The following ELP4 variants were observed in gnomAD, a reference collection of about 807,000 sequenced individuals.
The protein encoded by ELP4 is elongator complex protein 4.
ELP4 carries 51 observed loss-of-function variants against 48.9 expected under a neutral mutation model. The observed-to-expected ratio is 1.04, with a 90% CI of 0.83 to 1.32. The LOEUF is 1.32. Ranked by LOEUF, ELP4 falls within the 40% of genes most tolerant of loss-of-function variation. The pLI, the probability that ELP4 is intolerant of heterozygous loss-of-function variation, is 0.00. For missense variants in ELP4, 519 were observed against 514.6 expected, an observed-to-expected ratio of 1.01 and a Z score of -0.08; for synonymous variants, 210 against 189.2, an observed-to-expected ratio of 1.11 and a Z score of -0.90.
chr11:31,598,138 T>C (rs1422964433), intron 4 of ELP4, among the ~76,000 whole-genome samples: 2 of 151,824 alleles, frequency 1.3e-5, no homozygotes, highest in Non-Finnish European at 2.9e-5. Context: ...GTATTTTTAA[T>C]AGAGATGGGG....
chr11:31,634,452 C>T (rs1282158912), intron 7 of ELP4, among the ~76,000 whole-genome samples: 1 of 151,934 alleles, frequency 6.6e-6, no homozygotes, highest in Non-Finnish European at 1.5e-5. Context: ...CCAAAGGGGC[C>T]TCTGTGAGAA....
At chr11:31,777,635 C>T (rs1948278073) in intron 9 of ELP4, among the ~76,000 whole-genome samples, 1 of 152,164 alleles carries the variant, frequency 6.6e-6, no homozygotes, top group African/African-American at 2.4e-5. Flanking sequence ...CTAGATGTGG[C>T]CATGTCTTTG....
chr11:31,587,758 A>G (rs1025303338), intron 3 of ELP4, among the ~76,000 whole-genome samples: 46 of 152,258 alleles, frequency 3.0e-4, no homozygotes, highest in African/African-American at 1.1e-3. Context: ...TAATGTTACA[A>G]TGATTGTCCG....
intron 3 of ELP4, among the ~76,000 whole-genome samples, chr11:31,573,825 GGGATA>G (rs1957224542): frequency 6.8e-6 from 1 of 146,532 alleles, no homozygotes. Flanking sequence ...ATCTCATTAG[GGGATA>G]GGACTTCAAT....
intron 9 of ELP4, among the ~76,000 whole-genome samples, chr11:31,723,080 A>C (rs1380981629): frequency 6.6e-6 from 1 of 152,168 alleles, no homozygotes; most frequent in Non-Finnish European, 1.5e-5. Context: ...CAAAGTCCTG[A>C]GGCACTGCCA....
intron 2 of ELP4, among the ~76,000 whole-genome samples, chr11:31,533,411 T>A (rs1188898230): frequency 2.4e-5 from 3 of 126,690 alleles, no homozygotes; most frequent in Non-Finnish European, 4.9e-5. Context: ...AGAGTCTCGC[T>A]CTTTCGCCCA....
chr11:31,745,319 G>A lies in ELP4; in HGVS notation c.1144-38074G>A, dbSNP rs937225810. ...TTGTGAAAATGGCCATACTGCCCAA[G>A]GTAATTTATAGATTCAATGCCATCC... is the stretch of plus-strand genomic sequence containing the variant. On this transcript the variant is annotated intron_variant, in intron 9 of 9. Coordinates refer to ENST00000640961, the MANE Select transcript of ELP4 (RefSeq NM_019040.5). Among the ~76,000 whole-genome samples the A allele has an allele frequency of 1.6e-3, 238 of 152,208 alleles. 1 individual carries two copies. The highest frequency in any genetic ancestry group is 3.3e-3 in the South Asian group (16 of 4,812).
At chr11:31,780,203 G>T (rs1030839760) in intron 9 of ELP4, among the ~76,000 whole-genome samples, 1 of 152,068 alleles carries the variant, frequency 6.6e-6, no homozygotes, top group African/African-American at 2.4e-5. Context: ...ACAGATCTGG[G>T]ATACAGCAGC....
intron 3 of ELP4, among the ~76,000 whole-genome samples, chr11:31,548,026 TATC>T (rs1402406864): frequency 3.3e-5 from 5 of 152,144 alleles, no homozygotes; most frequent in African/African-American, 1.2e-4. Context: ...ACACAGCCAA[TATC>T]ATACTGAATG....
At chr11:31,620,315 G>A (rs1944592630) in intron 5 of ELP4, among the ~76,000 whole-genome samples, 1 of 151,972 alleles carries the variant, frequency 6.6e-6, no homozygotes. Flanking sequence ...ATTGACCATG[G>A]ATTGAGATGG....
In ELP4 at chr11:31,580,340, G is replaced by A. The variant is rs557027731; in HGVS notation, c.382-14430G>A. On this transcript the variant is annotated intron_variant, in intron 3 of 9. Coordinates refer to ENST00000640961, the MANE Select transcript of ELP4 (RefSeq NM_019040.5). Reference sequence around the variant, plus strand: ...CTTGATAACTTAATACTGTGAAATAGGAGGTTGTTTTCTAAAGGATCTAAT... The same window carrying A: ...CTTGATAACTTAATACTGTGAAATAAGAGGTTGTTTTCTAAAGGATCTAAT... Among the ~76,000 whole-genome samples, 204 of 152,250 alleles carry A rather than the reference G, an allele frequency of 1.3e-3. 1 individual carries two copies. Among genetic ancestry groups the A allele is most frequent in the Non-Finnish European group, 2.2e-3 (153 of 68,024 alleles).
intron 9 of ELP4, among the ~76,000 whole-genome samples, chr11:31,725,778 G>A (rs1476517317): frequency 6.6e-6 from 1 of 152,164 alleles, no homozygotes; most frequent in African/African-American, 2.4e-5. Flanking sequence ...CACCCTTAGA[G>A]GGTATCTGGG....
chr11:31,627,820 G>A (rs1481613228), intron 6 of ELP4, among the ~76,000 whole-genome samples: 1 of 151,930 alleles, frequency 6.6e-6, no homozygotes, highest in Admixed American at 6.6e-5. Flanking sequence ...AATTGCTTTT[G>A]CTACTAAATG....
At chr11:31,689,784 C>T (rs1486165156) in intron 9 of ELP4, among the ~76,000 whole-genome samples, 1 of 152,160 alleles carries the variant, frequency 6.6e-6, no homozygotes, top group African/African-American at 2.4e-5. Flanking sequence ...CAAATAATGT[C>T]TTTCTGCTTC....
intron 4 of ELP4, among the ~76,000 whole-genome samples, chr11:31,598,308 ATTTG>A (rs1200181670): frequency 2.0e-5 from 3 of 151,982 alleles, no homozygotes; most frequent in Non-Finnish European, 4.4e-5. Context: ...GGTAAAAATT[ATTTG>A]TTTCTCTAAA....
At chr11:31,751,724 A>G (rs1947724021) in intron 9 of ELP4, among the ~76,000 whole-genome samples, 1 of 152,216 alleles carries the variant, frequency 6.6e-6, no homozygotes, top group African/African-American at 2.4e-5. Context: ...AAACATGTCT[A>G]AAACTTAATT....
intron 9 of ELP4, among the ~76,000 whole-genome samples, chr11:31,700,324 T>C (rs1946494646): frequency 6.6e-6 from 1 of 152,122 alleles, no homozygotes; most frequent in Admixed American, 6.6e-5. Context: ...CATACTTTTC[T>C]GTGTTTGAAA....
intron 9 of ELP4, among the ~76,000 whole-genome samples, chr11:31,704,325 A>G (rs1027637160): frequency 2.6e-4 from 39 of 152,312 alleles, no homozygotes; most frequent in East Asian, 1.4e-3. Context: ...GGATGAGTTC[A>G]TGTCCTTTGT....
At chr11:31,576,452 C>T (rs1957280656) in intron 3 of ELP4, among the ~76,000 whole-genome samples, 1 of 152,200 alleles carries the variant, frequency 6.6e-6, no homozygotes, top group Admixed American at 6.5e-5. Flanking sequence ...TAATAGACAT[C>T]TACAGAACTC....
Sources: gnomAD v4.1 joint callset for allele counts (sites outside exome capture counted in the v4.1 genomes callset) on GRCh38, gnomAD v4.1.1 for gene constraint, MANE v1.5 for transcripts, NCBI Gene and HGNC (gene_info 2026-07-23, HGNC 2026-07-21) for gene names.